The following GXYLT1 variants were observed in gnomAD, a reference collection of about 807,000 sequenced individuals.
GXYLT1 encodes the protein glucoside xylosyltransferase 1.
Under a neutral mutation model 54.0 loss-of-function variants are expected in GXYLT1, and 29 were observed. The observed-to-expected ratio is 0.54, with a 90% confidence interval of 0.40 to 0.73. GXYLT1 has a LOEUF of 0.73. Ranked by LOEUF, GXYLT1 falls within the 30% of genes least tolerant of loss-of-function variation. The pLI is 0.00. For synonymous variants in GXYLT1, 176 were observed against 204.1 expected, an observed-to-expected ratio of 0.86 and a Z score of 1.17; for missense variants, 490 against 553.4, an observed-to-expected ratio of 0.89 and a Z score of 1.15.
At position 42,134,215 on chromosome 12, in the gene GXYLT1, AAG is replaced by A. The variant is rs527945757; in HGVS notation, c.222-4366_222-4365del. ...GACCCTCTCTGACAAAAGAAAAAAAAAGAGAGAGAGAAGAAAAAGTAAAAAAA... is the reference window on the plus strand; with the variant it reads ...GACCCTCTCTGACAAAAGAAAAAAAAAGAGAGAGAAGAAAAAGTAAAAAAA... On this transcript the variant is annotated intron_variant, in intron 1 of 7. Transcript: ENST00000398675. 1.3e-3 allele frequency among the ~76,000 whole-genome samples: 200 copies of A among 152,178 alleles called. 4 individuals are homozygous for A. In the South Asian group the frequency reaches 0.041, roughly 31 times the overall value.
chr12:42,125,060 G>A (rs1057276480), intron 2 of GXYLT1, among the ~76,000 whole-genome samples: 4 of 152,114 alleles, frequency 2.6e-5, no homozygotes, highest in African/African-American at 4.8e-5. Flanking sequence ...CAACAAATGC[G>A]GTAAATACAA....
At chr12:42,088,660 A>G (rs1268561866) in intron 7 of GXYLT1, among the ~76,000 whole-genome samples, 1 of 152,204 alleles carries the variant, frequency 6.6e-6, no homozygotes, top group Non-Finnish European at 1.5e-5. Context: ...GTGGTAGTAA[A>G]GTGGAAATAA....
intron 1 of GXYLT1, among the ~76,000 whole-genome samples, chr12:42,139,126 G>A (rs749174833): frequency 6.6e-6 from 1 of 151,836 alleles, no homozygotes; most frequent in African/African-American, 2.4e-5. Context: ...AGCCCAGAAG[G>A]TCAAGGCTGC....
At chr12:42,124,366 TA>T (rs2065548521) in intron 2 of GXYLT1, among the ~76,000 whole-genome samples, 1 of 152,050 alleles carries the variant, frequency 6.6e-6, no homozygotes, top group Admixed American at 6.5e-5. Context: ...TTAGAGTTTG[TA>T]TAATGAAAGT....
At chr12:42,133,530 A>G (rs2065604086) in intron 1 of GXYLT1, among the ~76,000 whole-genome samples, 1 of 152,136 alleles carries the variant, frequency 6.6e-6, no homozygotes, top group Admixed American at 6.5e-5. Flanking sequence ...CTGAGCTCCT[A>G]GTCAAAAGCC....
intron 3 of GXYLT1, among the ~76,000 whole-genome samples, chr12:42,114,044 A>G (rs1263848596): frequency 9.9e-5 from 15 of 152,250 alleles, no homozygotes; most frequent in Non-Finnish European, 2.2e-4. Flanking sequence ...GTAAATAATG[A>G]AATGAAGGCA....
chr12:42,109,523 T>TAAGA, intron 4 of GXYLT1, 43 bp downstream of exon 4: 1 of 1,131,472 alleles, frequency 8.8e-7, no homozygotes, highest in Non-Finnish European at 1.1e-6. Flanking sequence ...GGTTCAAATT[T>TAAGA]AAAAAAAAAA....
At chr12:42,112,735 G>T (rs189584964) in intron 3 of GXYLT1, among the ~76,000 whole-genome samples, 1 of 151,670 alleles carries the variant, frequency 6.6e-6, no homozygotes, top group Non-Finnish European at 1.5e-5. Context: ...TTATCCAGCA[G>T]AACTTCCCCA....
chr12:42,089,009 T>C (rs2065313794), intron 7 of GXYLT1, among the ~76,000 whole-genome samples: 1 of 152,054 alleles, frequency 6.6e-6, no homozygotes, highest in Non-Finnish European at 1.5e-5. Flanking sequence ...AAAGAGATCC[T>C]AAACTTTGGC....
At position 42,100,086 on chromosome 12, in the gene GXYLT1, T is replaced by A. The variant is rs1307705446; in HGVS notation, c.865-2053A>T. Among the ~76,000 whole-genome samples, 5 of 152,292 alleles carry A rather than the reference T, an allele frequency of 3.3e-5. No individual in the cohort carries two copies. The South Asian group carries it at 8.3e-4, about 25-fold the overall frequency. ...TTTCTTAATGCTCAAAACTTGTTAT[T>A]TGAAAACCCAAAGTTAAATACTTAA... On this transcript the variant is annotated intron_variant, in intron 5 of 7. Transcript: ENST00000398675.
chr12:42,127,801 T>C (rs2065572124), intron 2 of GXYLT1, among the ~76,000 whole-genome samples: 2 of 152,182 alleles, frequency 1.3e-5, no homozygotes, highest in African/African-American at 4.8e-5. Flanking sequence ...AATGAAAACA[T>C]ACAAAACTTC....
chr12:42,099,956 G>C lies in GXYLT1; in HGVS notation c.865-1923C>G, dbSNP rs375871589. On this transcript the variant is annotated intron_variant, in intron 5 of 7. Coordinates refer to ENST00000398675, the MANE Select transcript of GXYLT1 (RefSeq NM_173601.2). ...AGCACAATGCTGCCTTTTGAAATGA[G>C]ATAAAAATATAATACTAATAATCTA... Among the ~76,000 whole-genome samples the C allele has an allele frequency of 8.5e-5, 13 of 152,222 alleles. No homozygotes were observed. In the East Asian group the frequency reaches 2.1e-3, roughly 25 times the overall value.
In GXYLT1 at chr12:42,084,118, CCA is replaced by C. The variant is rs1373346083; in HGVS notation, c.*3666_*3667del. 1 of 149,456 alleles carries C rather than the reference CCA, an allele frequency of 6.7e-6. No individual in the cohort carries two copies. The highest frequency in any genetic ancestry group is 1.5e-5 in the Non-Finnish European group (1 of 67,188). The allele number at this position is 149,456 out of a possible 1,614,324, so 9.3% of individuals were successfully genotyped here. A position where few individuals can be genotyped will look rare whatever the true frequency, so the allele number is the denominator to read the frequency against. On this transcript the variant is annotated 3_prime_UTR_variant, in exon 8 of 8. Coordinates refer to ENST00000398675, the MANE Select transcript of GXYLT1 (RefSeq NM_173601.2). ...ATGGAAGTCAGCACCTTTCCTGACCCCAGAGAGCCCAGGCAAGCAAACTGATG... is the reference window on the plus strand; with the variant it reads ...ATGGAAGTCAGCACCTTTCCTGACCCGAGAGCCCAGGCAAGCAAACTGATG...
chr12:42,099,881 G>A (rs2065379695), intron 5 of GXYLT1, among the ~76,000 whole-genome samples: 1 of 152,088 alleles, frequency 6.6e-6, no homozygotes, highest in South Asian at 2.1e-4. Flanking sequence ...AATATTAATA[G>A]ATATCCTTAT....
At chr12:42,088,229 C>T (rs941542698) in intron 7 of GXYLT1, among the ~76,000 whole-genome samples, 10 of 151,754 alleles carry the variant, frequency 6.6e-5, no homozygotes, top group African/African-American at 2.4e-4. Context: ...AAAAGCCCTA[C>T]GAGTATCTCG....
chr12:42,123,036 A>C (rs148776940), intron 2 of GXYLT1, among the ~76,000 whole-genome samples: 5 of 152,306 alleles, frequency 3.3e-5, no homozygotes, highest in Non-Finnish European at 7.3e-5. Context: ...TCTGCAAAAC[A>C]AAAACAAAAA....
intron 4 of GXYLT1, among the ~76,000 whole-genome samples, chr12:42,106,678 C>T (rs956976116): frequency 7.3e-5 from 11 of 150,640 alleles, no homozygotes; most frequent in Non-Finnish European, 1.2e-4. Flanking sequence ...GTTGCACTTT[C>T]TAAGAGATAA....
rs559306126 is a variant in GXYLT1, at chr12:42,084,013, A to G, written c.*3773T>C. 7.1e-4 allele frequency: 108 copies of G among 152,246 alleles called. No individual in the cohort carries two copies. The highest frequency in any genetic ancestry group is 2.3e-3 in the African/African-American group (96 of 41,510). 9.4% of individuals were successfully genotyped at this position (152,246 alleles called of 1,614,324 possible). The stretch of plus-strand genomic sequence containing the variant: ...AGACATAAAATGTTGAATTGGCACT[A>G]AATGATCAGTGAGTAGGGTGATTGG... On this transcript the variant is annotated 3_prime_UTR_variant, in exon 8 of 8. Coordinates refer to ENST00000398675, the MANE Select transcript of GXYLT1 (RefSeq NM_173601.2).
chr12:42,123,971 T>C (rs553310964), intron 2 of GXYLT1, among the ~76,000 whole-genome samples: 8 of 149,364 alleles, frequency 5.4e-5, no homozygotes, highest in African/African-American at 1.7e-4. Flanking sequence ...AAAAGAGTTG[T>C]GCTAAATTAT....
Sources: gnomAD v4.1 joint callset for allele counts (sites outside exome capture counted in the v4.1 genomes callset) on GRCh38, gnomAD v4.1.1 for gene constraint, MANE v1.5 for transcripts, NCBI Gene and HGNC (gene_info 2026-07-23, HGNC 2026-07-21) for gene names.